TAFA4: variants seen among roughly 807,000 people sequenced by gnomAD.
TAFA4 encodes TAFA chemokine like family member 4.
Under a neutral mutation model 21.1 loss-of-function variants are expected in TAFA4, and 20 were observed. That is an observed-to-expected ratio of 0.95 (90% CI 0.67 to 1.38). The LOEUF (loss-of-function observed/expected upper bound fraction) is 1.38. TAFA4 is among the 40% of genes most tolerant of loss of function. The probability of loss-of-function intolerance (pLI) is 0.00; values close to 1 mark genes in which losing one functional copy is unlikely to be tolerated. For synonymous variants in TAFA4, 71 were observed against 67.4 expected, an observed-to-expected ratio of 1.05 and a Z score of -0.26; for missense variants, 211 against 180.9, an observed-to-expected ratio of 1.17 and a Z score of -0.95.
chr3:68,747,197 A>G (rs1575593363), intron 4 of TAFA4, among the ~76,000 whole-genome samples: 1 of 152,112 alleles, frequency 6.6e-6, no homozygotes, highest in South Asian at 2.1e-4. Flanking sequence ...TGCCCCTACC[A>G]TGGGCAATTC....
intron 3 of TAFA4, among the ~76,000 whole-genome samples, chr3:68,848,483 C>A (rs1490005): frequency 6.6e-6 from 1 of 152,122 alleles, no homozygotes; most frequent in African/African-American, 2.4e-5. Flanking sequence ...AGGAGGTATT[C>A]TTAAATCAAT....
chr3:68,735,547 T>A (rs1325106011), intron 5 of TAFA4, among the ~76,000 whole-genome samples: 1 of 152,128 alleles, frequency 6.6e-6, no homozygotes, highest in African/African-American at 2.4e-5. Context: ...GAGGTAGAGT[T>A]CAAAACTGTG....
chr3:68,841,479 CG>C (rs1484003600), intron 3 of TAFA4, among the ~76,000 whole-genome samples: 1 of 152,132 alleles, frequency 6.6e-6, no homozygotes, highest in East Asian at 1.9e-4. Context: ...AATCACAATG[CG>C]TGACTATCAC....
At chr3:68,782,446 A>C (rs1435619181) in intron 3 of TAFA4, among the ~76,000 whole-genome samples, 1 of 152,238 alleles carries the variant, frequency 6.6e-6, no homozygotes, top group East Asian at 1.9e-4. Context: ...ACAAATGTTT[A>C]TGGAGGAATT....
intron 5 of TAFA4, among the ~76,000 whole-genome samples, chr3:68,733,847 C>G (rs1702194890): frequency 6.6e-6 from 1 of 152,162 alleles, no homozygotes; most frequent in Admixed American, 6.5e-5. Flanking sequence ...ACCCAATCAG[C>G]TATGTATGCA....
At chr3:68,770,118 C>T (rs1042735907) in intron 3 of TAFA4, among the ~76,000 whole-genome samples, 1 of 152,150 alleles carries the variant, frequency 6.6e-6, no homozygotes, top group African/African-American at 2.4e-5. Context: ...AATATAATCC[C>T]ATCCAAAAGC....
At chr3:68,862,012 A>T (rs1173228957) in intron 3 of TAFA4, among the ~76,000 whole-genome samples, 2 of 152,026 alleles carry the variant, frequency 1.3e-5, no homozygotes, top group Non-Finnish European at 2.9e-5. Context: ...CCTGCTGAGC[A>T]TATTTTCCTC....
chr3:68,884,385 A>G (rs1412306689), intron 2 of TAFA4, among the ~76,000 whole-genome samples: 20 of 152,278 alleles, frequency 1.3e-4, no homozygotes, highest in Admixed American at 1.3e-3. Flanking sequence ...TCTCTCCACC[A>G]TGGCTCCAGT....
chr3:68,919,525 G>A (rs1326607648), intron 1 of TAFA4, among the ~76,000 whole-genome samples: 1 of 152,116 alleles, frequency 6.6e-6, no homozygotes, highest in Non-Finnish European at 1.5e-5. Context: ...TTGCACCAGC[G>A]CTGTCCGATC....
intron 3 of TAFA4, among the ~76,000 whole-genome samples, chr3:68,860,888 A>G (rs932187682): frequency 2.6e-5 from 4 of 152,142 alleles, no homozygotes; most frequent in Non-Finnish European, 5.9e-5. Flanking sequence ...AACTAAGTGA[A>G]GCAGAGAAAT....
chr3:68,839,756 A>C (rs1043608916), intron 3 of TAFA4, among the ~76,000 whole-genome samples: 55 of 152,176 alleles, frequency 3.6e-4, no homozygotes, highest in Non-Finnish European at 2.2e-4. Context: ...TTTGTTGCAA[A>C]GGAGGTGCTG....
At chr3:68,745,286 G>A (rs1702436564) in intron 4 of TAFA4, among the ~76,000 whole-genome samples, 2 of 152,344 alleles carry the variant, frequency 1.3e-5, no homozygotes, top group Non-Finnish European at 1.5e-5. Flanking sequence ...TTACTGGTGA[G>A]AACATCTGCC....
At chr3:68,866,909 G>A (rs763470574) in intron 3 of TAFA4, among the ~76,000 whole-genome samples, 19 of 151,706 alleles carry the variant, frequency 1.3e-4, no homozygotes, top group Non-Finnish European at 1.8e-4. Context: ...AAGGAACAAA[G>A]GACACCTACA....
intron 5 of TAFA4, among the ~76,000 whole-genome samples, chr3:68,735,312 G>A (rs1202048677): frequency 2.6e-5 from 4 of 152,056 alleles, no homozygotes; most frequent in Non-Finnish European, 5.9e-5. Flanking sequence ...TTCCAATGGG[G>A]ATCCATTGAT....
At chr3:68,847,845 C>G in intron 3 of TAFA4, among the ~76,000 whole-genome samples, 1 of 152,172 alleles carries the variant, frequency 6.6e-6, no homozygotes, top group East Asian at 1.9e-4. Context: ...ACATTTACCA[C>G]CCTCGTGGAC....
At chr3:68,879,259 C>G (rs2089588709) in intron 3 of TAFA4, among the ~76,000 whole-genome samples, 1 of 152,004 alleles carries the variant, frequency 6.6e-6, no homozygotes, top group Non-Finnish European at 1.5e-5. Context: ...GAAAATCTGA[C>G]CAGAGTTTCT....
intron 3 of TAFA4, among the ~76,000 whole-genome samples, chr3:68,795,486 T>G (rs1703438720): frequency 6.6e-6 from 1 of 152,096 alleles, no homozygotes; most frequent in South Asian, 2.1e-4. Context: ...CACGAGTTAT[T>G]GACTCAAGCT....
At chr3:68,919,280 C>T (rs1446530896) in intron 1 of TAFA4, among the ~76,000 whole-genome samples, 1 of 152,138 alleles carries the variant, frequency 6.6e-6, no homozygotes, top group Non-Finnish European at 1.5e-5. Flanking sequence ...GCAGGCAGCC[C>T]CCGTCAGGAC....
chr3:68,763,248 T>C (rs1702788351), intron 3 of TAFA4, among the ~76,000 whole-genome samples: 1 of 152,192 alleles, frequency 6.6e-6, no homozygotes, highest in African/African-American at 2.4e-5. Context: ...TGAACATCCA[T>C]GATCATGTGG....
Sources: gnomAD v4.1 joint callset for allele counts (sites outside exome capture counted in the v4.1 genomes callset) on GRCh38, gnomAD v4.1.1 for gene constraint, MANE v1.5 for transcripts, NCBI Gene and HGNC (gene_info 2026-07-23, HGNC 2026-07-21) for gene names.